CPAP: variants seen among roughly 807,000 people sequenced by gnomAD.
The protein encoded by CPAP is centrosomal P4.1-associated protein.
At chr13:24,885,529 A>C in the CPAP span, 1 of 1,270,368 alleles carries the variant, frequency 7.9e-7, no homozygotes, top group Non-Finnish European at 1.2e-6. Flanking sequence ...GTGGTTTAGA[A>C]ACGTTAAGTC....
At chr13:24,903,877 A>G in the CPAP span, 9 of 1,584,232 alleles carry the variant, frequency 5.7e-6, no homozygotes, top group Admixed American at 3.3e-5. Flanking sequence ...TCTTAAAGGT[A>G]TAACTGAGTC....
At chr13:24,885,971 T>C in the CPAP span, 1 of 429,480 alleles carries the variant, frequency 2.3e-6, no homozygotes, top group Non-Finnish European at 4.3e-6. Flanking sequence ...AAGGTGCAGA[T>C]AAAAGAGGCA....
At chr13:24,899,494 C>T in the CPAP span, 39 of 1,613,694 alleles carry the variant, frequency 2.4e-5, no homozygotes, top group South Asian at 4.3e-4. Flanking sequence ...CTTTACGTTC[C>T]TTTTGTAGCT....
the CPAP span, chr13:24,884,380 G>C: frequency 2.5e-6 from 4 of 1,614,050 alleles, no homozygotes; most frequent in South Asian, 1.1e-5. Context: ...TGACAGTGAT[G>C]GTCTTCCCAT....
At chr13:24,908,239 T>C in the CPAP span, 52 of 712,818 alleles carry the variant, frequency 7.3e-5, no homozygotes, top group Non-Finnish European at 1.1e-4. Context: ...AAGTAATGTA[T>C]ATCACAGATT....
chr13:24,895,674 C>T, the CPAP span, among the ~76,000 whole-genome samples: 3 of 152,256 alleles, frequency 2.0e-5, no homozygotes, highest in South Asian at 4.1e-4. Context: ...GCTCTCAAAA[C>T]GCCAAGGGCA....
At chr13:24,926,791 A>T in the CPAP span, among the ~76,000 whole-genome samples, 28,634 of 152,200 alleles carry the variant, frequency 0.19, 2,916 homozygotes, top group South Asian at 0.34. Context: ...AATCAGGTAT[A>T]TGAGCCCATC....
the CPAP span, among the ~76,000 whole-genome samples, chr13:24,910,642 C>T: frequency 6.6e-6 from 1 of 152,212 alleles, no homozygotes; most frequent in Non-Finnish European, 1.5e-5. Flanking sequence ...TATTTGAAAA[C>T]TACTGCTCCA....
chr13:24,886,229 C>G, the CPAP span: 6 of 1,009,474 alleles, frequency 5.9e-6, no homozygotes, highest in Non-Finnish European at 8.2e-6. Context: ...ATTGTAAACA[C>G]TCAACTTGGA....
chr13:24,892,655 C>T, the CPAP span: 5 of 1,613,896 alleles, frequency 3.1e-6, no homozygotes, highest in African/African-American at 5.3e-5. Flanking sequence ...CAAGCTTGTC[C>T]TTCTTCTCCA....
chr13:24,926,606 C>T, the CPAP span, among the ~76,000 whole-genome samples: 1 of 152,140 alleles, frequency 6.6e-6, no homozygotes, highest in African/African-American at 2.4e-5. Context: ...CCTCCCTCAG[C>T]CCCACTGTTA....
the CPAP span, among the ~76,000 whole-genome samples, chr13:24,901,509 A>G: frequency 1.3e-5 from 2 of 152,224 alleles, no homozygotes; most frequent in African/African-American, 2.4e-5. Flanking sequence ...AAGGAAGTAG[A>G]TTTTTAAATA....
chr13:24,927,707 C>T, the CPAP span, among the ~76,000 whole-genome samples: 4 of 152,176 alleles, frequency 2.6e-5, no homozygotes, highest in South Asian at 6.2e-4. Flanking sequence ...GTGTCAGTAT[C>T]GTGTAAATAA....
the CPAP span, among the ~76,000 whole-genome samples, chr13:24,922,092 G>A: frequency 2.0e-5 from 3 of 152,122 alleles, no homozygotes; most frequent in Non-Finnish European, 4.4e-5. Context: ...TTAAACATGT[G>A]CCATTTTTAT....
At chr13:24,915,899 T>C in the CPAP span, among the ~76,000 whole-genome samples, 17 of 152,286 alleles carry the variant, frequency 1.1e-4, no homozygotes, top group East Asian at 3.3e-3. Context: ...GAAAGAGCTA[T>C]GTTAAATGCT....
At chr13:24,901,423 C>G in the CPAP span, among the ~76,000 whole-genome samples, 2 of 152,160 alleles carry the variant, frequency 1.3e-5, no homozygotes, top group African/African-American at 4.8e-5. Context: ...TAACGCTCAA[C>G]TCCAGTGATG....
At chr13:24,885,363 A>C in the CPAP span, 1 of 1,613,890 alleles carries the variant, frequency 6.2e-7, no homozygotes, top group Admixed American at 1.7e-5. Flanking sequence ...TCAGTGGTTC[A>C]AGTGGCTCCC....
chr13:24,882,824 G>A, the CPAP span: 8 of 295,698 alleles, frequency 2.7e-5, no homozygotes, highest in Admixed American at 9.4e-5. Context: ...AGTGCTCTAC[G>A]GCTGATGTGT....
At chr13:24,914,045 C>A in the CPAP span, among the ~76,000 whole-genome samples, 48 of 152,162 alleles carry the variant, frequency 3.2e-4, no homozygotes, top group Non-Finnish European at 5.3e-4. Flanking sequence ...GGGGAAGACA[C>A]ACACACACAC....
Sources: allele counts gnomAD v4.1 joint callset (sites outside exome capture counted in the v4.1 genomes callset), GRCh38; gene constraint gnomAD v4.1.1; transcripts MANE v1.5; gene names NCBI Gene and HGNC (gene_info 2026-07-23, HGNC 2026-07-21).